Variants in NCKAP5 observed in about 807,000 individuals in gnomAD.
NCKAP5 encodes nck-associated protein 5.
NCKAP5 carries 92 observed loss-of-function variants against 167.0 expected under a neutral mutation model. That is an observed-to-expected ratio of 0.55 (90% CI 0.47 to 0.66). The LOEUF is 0.66. Among genes scored for constraint, NCKAP5 ranks in the 30% least tolerant of loss-of-function variants. The probability of loss-of-function intolerance (pLI) is 0.00; values close to 1 mark genes in which losing one functional copy is unlikely to be tolerated. For synonymous variants in NCKAP5, 891 were observed against 877.4 expected (o/e 1.02, Z -0.27); for missense variants, 2,378 against 2,315.0 (o/e 1.03, Z -0.56).
chr2:132,893,076 G>A (rs2148876860), intron 8 of NCKAP5, among the ~76,000 whole-genome samples: 1 of 149,280 alleles, frequency 6.7e-6, no homozygotes, highest in Non-Finnish European at 1.5e-5. Flanking sequence ...AAAAGAGGAA[G>A]CCACTTATAA....
intron 8 of NCKAP5, among the ~76,000 whole-genome samples, chr2:132,881,192 G>A (rs1691720016): frequency 6.6e-6 from 1 of 151,762 alleles, no homozygotes; most frequent in Admixed American, 6.6e-5. Flanking sequence ...TATTTTTTTT[G>A]AGATGGAGTA....
At chr2:133,063,681 C>CACAT (rs2080088689) in intron 6 of NCKAP5, among the ~76,000 whole-genome samples, 1 of 152,148 alleles carries the variant, frequency 6.6e-6, no homozygotes, top group South Asian at 2.1e-4. Context: ...CACATTTGCC[C>CACAT]TTATACCCAG....
At chr2:133,655,781 A>G in the NCKAP5 span, among the ~76,000 whole-genome samples, 5 of 152,234 alleles carry the variant, frequency 3.3e-5, no homozygotes, top group Admixed American at 3.3e-4. Context: ...GCAGAATTTC[A>G]AAGATTTCAT....
chr2:133,572,036 C>A (rs533246086), upstream of NCKAP5, among the ~76,000 whole-genome samples: 2 of 151,724 alleles, frequency 1.3e-5, no homozygotes. Context: ...ATTATCTTCA[C>A]TCACCTTTCA....
At chr2:133,477,804 A>G (rs1253690099) in intron 3 of NCKAP5, among the ~76,000 whole-genome samples, 1 of 152,128 alleles carries the variant, frequency 6.6e-6, no homozygotes, top group African/African-American at 2.4e-5. Flanking sequence ...TTCAGTGTGG[A>G]CCTGCTGGAT....
At chr2:132,757,314 C>G (rs1680633657) in intron 16 of NCKAP5, among the ~76,000 whole-genome samples, 1 of 152,166 alleles carries the variant, frequency 6.6e-6, no homozygotes, top group Admixed American at 6.5e-5. Flanking sequence ...TTTCCAGACA[C>G]TACCGTTTTC....
intron 8 of NCKAP5, among the ~76,000 whole-genome samples, chr2:132,946,815 T>C (rs1697779421): frequency 6.6e-6 from 1 of 152,166 alleles, no homozygotes; most frequent in African/African-American, 2.4e-5. Flanking sequence ...AGAGGATCAC[T>C]TGAGCCTGGG....
intron 6 of NCKAP5, chr2:133,117,901 A>T (rs1352309184): frequency 6.6e-6 from 1 of 152,230 alleles, no homozygotes; most frequent in Non-Finnish European, 1.5e-5. Context: ...CGAATGATGC[A>T]GGCAGATTCC....
intron 2 of NCKAP5, among the ~76,000 whole-genome samples, chr2:133,541,755 C>T (rs747547406): frequency 6.6e-6 from 1 of 150,654 alleles, no homozygotes; most frequent in Admixed American, 6.6e-5. Context: ...ATGATATTGA[C>T]TAAGAAGTTT....
chr2:132,719,368 T>G (rs1408012974), intron 19 of NCKAP5, among the ~76,000 whole-genome samples: 1 of 126,744 alleles, frequency 7.9e-6, no homozygotes, highest in African/African-American at 4.0e-5. Context: ...CTGGGACCTC[T>G]CCTTGCTCTT....
chr2:133,670,085 G>T, the NCKAP5 span, among the ~76,000 whole-genome samples: 1 of 152,220 alleles, frequency 6.6e-6, no homozygotes, highest in African/African-American at 2.4e-5. Context: ...ATGGATTTTA[G>T]AAAGTCATGG....
intron 6 of NCKAP5, among the ~76,000 whole-genome samples, chr2:133,116,354 G>A (rs1415717681): frequency 8.0e-6 from 1 of 124,770 alleles, no homozygotes; most frequent in Non-Finnish European, 1.6e-5. Flanking sequence ...CGGGCGTGGT[G>A]GCGGGCGCCT....
the NCKAP5 span, among the ~76,000 whole-genome samples, chr2:133,581,950 T>C: frequency 1.3e-5 from 2 of 152,142 alleles, no homozygotes; most frequent in African/African-American, 4.8e-5. Context: ...GATGAAGAAA[T>C]GGATCAAGAG....
chr2:132,797,844 T>C (rs1189779814), intron 11 of NCKAP5, among the ~76,000 whole-genome samples: 2 of 152,196 alleles, frequency 1.3e-5, no homozygotes, highest in Non-Finnish European at 2.9e-5. Flanking sequence ...TGTTCCCCAT[T>C]CAACTCTCTT....
intron 8 of NCKAP5, among the ~76,000 whole-genome samples, chr2:132,903,090 T>G (rs187017358): frequency 6.6e-6 from 1 of 152,218 alleles, no homozygotes; most frequent in Non-Finnish European, 1.5e-5. Flanking sequence ...CAGGTTGTTG[T>G]GAGGGTCACA....
chr2:132,679,658 G>A (rs1318224733), intron 19 of NCKAP5, among the ~76,000 whole-genome samples: 1 of 152,166 alleles, frequency 6.6e-6, no homozygotes, highest in African/African-American at 2.4e-5. Context: ...AGATGGCAGA[G>A]CTTCCATTTG....
the NCKAP5 span, among the ~76,000 whole-genome samples, chr2:133,635,920 G>A: frequency 9.2e-5 from 14 of 152,274 alleles, no homozygotes; most frequent in African/African-American, 3.1e-4. Flanking sequence ...ACCTTGAAGA[G>A]TATGATTTTA....
chr2:133,416,780 G>A (rs544217918), intron 3 of NCKAP5, among the ~76,000 whole-genome samples: 1 of 152,272 alleles, frequency 6.6e-6, no homozygotes, highest in South Asian at 2.1e-4. Context: ...ACCATTCCGA[G>A]CTTAGGATGA....
chr2:133,589,981 GC>G, the NCKAP5 span, among the ~76,000 whole-genome samples: 907 of 152,286 alleles, frequency 6.0e-3, 26 homozygotes, highest in Admixed American at 0.053. Context: ...CATCAATGGA[GC>G]TAAAACTGAA....
Sources: allele counts gnomAD v4.1 joint callset (sites outside exome capture counted in the v4.1 genomes callset), GRCh38; gene constraint gnomAD v4.1.1; transcripts MANE v1.5; gene names NCBI Gene and HGNC (gene_info 2026-07-23, HGNC 2026-07-21).